SEC24B: variants seen among roughly 807,000 people sequenced by gnomAD.
SEC24B encodes the protein SEC24 homolog B, COPII component.
SEC24B carries 45 observed loss-of-function variants against 142.8 expected under a neutral mutation model. The observed-to-expected ratio is 0.32, with a 90% confidence interval of 0.25 to 0.40. SEC24B has a LOEUF of 0.40. SEC24B is among the 10% of genes least tolerant of loss of function. SEC24B has a pLI of 1.00. For missense variants in SEC24B, 1,409 were observed against 1,526.8 expected, an observed-to-expected ratio of 0.92 and a Z score of 1.29; for synonymous variants, 574 against 568.2, an observed-to-expected ratio of 1.01 and a Z score of -0.15.
chr4:109,466,193 T>C (rs190668063), intron 2 of SEC24B, among the ~76,000 whole-genome samples: 3 of 152,334 alleles, frequency 2.0e-5, no homozygotes, highest in African/African-American at 2.4e-5. Context: ...CTGACACATA[T>C]CACTGTTTTT....
chr4:109,511,825 T>G (rs1292990963), intron 8 of SEC24B, 132 bp from the exon 9 acceptor site: 1 of 849,940 alleles, frequency 1.2e-6, no homozygotes, highest in African/African-American at 1.7e-5. Context: ...CTGGATTTTA[T>G]TAATATGCTT....
intron 14 of SEC24B, 95 bp from the exon 15 acceptor site, chr4:109,524,723 G>C: frequency 8.9e-7 from 1 of 1,119,400 alleles, no homozygotes; most frequent in Non-Finnish European, 1.3e-6. Flanking sequence ...TCTTAGTTTG[G>C]TAGGGAGGCA....
chr4:109,496,970 G>GA (rs1254496174), intron 6 of SEC24B, among the ~76,000 whole-genome samples: 1 of 151,746 alleles, frequency 6.6e-6, no homozygotes, highest in Non-Finnish European at 1.5e-5. Context: ...TGAGCAAGGA[G>GA]AAAAAAAAAT....
chr4:109,506,570 CA>C, intron 7 of SEC24B, 58 bp downstream of exon 7: 1 of 1,150,142 alleles, frequency 8.7e-7, no homozygotes, highest in Non-Finnish European at 1.2e-6. Context: ...GTATGACTTT[CA>C]AAAATAGTAA....
chr4:109,509,960 A>AT, intron 7 of SEC24B, 49 bp from the exon 8 acceptor site: 1 of 1,179,578 alleles, frequency 8.5e-7, no homozygotes, highest in Non-Finnish European at 1.2e-6. Context: ...ACTTCAGTGT[A>AT]TTTTTCTCTG....
At chr4:109,514,865 C>T (rs1248952492) in intron 10 of SEC24B, among the ~76,000 whole-genome samples, 1 of 152,162 alleles carries the variant, frequency 6.6e-6, no homozygotes, top group Non-Finnish European at 1.5e-5. Context: ...TCTTTTGTGT[C>T]TAATTTGGCA....
chr4:109,539,365 C>T (rs1287484194), intron 23 of SEC24B, among the ~76,000 whole-genome samples, 196 bp from the exon 24 acceptor site: 2 of 151,938 alleles, frequency 1.3e-5, no homozygotes, highest in Non-Finnish European at 2.9e-5. Flanking sequence ...ACCTTAGCCT[C>T]TTAAAGTGCT....
intron 9 of SEC24B, 116 bp downstream of exon 9, chr4:109,512,199 T>C: frequency 1.1e-6 from 1 of 940,648 alleles, no homozygotes; most frequent in Non-Finnish European, 1.6e-6. Context: ...TCATGCCATT[T>C]TTAGTAGAGG....
chr4:109,540,204 A>T lies in SEC24B; in HGVS notation c.*529A>T, dbSNP rs1045783155. ...TTTCAGTACATGAACTATAGAAAAAAATCTATATATAATGTACATAAATGT... is the reference window on the plus strand; with the variant it reads ...TTTCAGTACATGAACTATAGAAAAATATCTATATATAATGTACATAAATGT... On this transcript the variant is annotated 3_prime_UTR_variant, in exon 24 of 24. Transcript: ENST00000265175. 6.5e-6 allele frequency: 1 copy of T among 152,788 alleles called. No homozygotes were observed. The highest frequency in any genetic ancestry group is 2.4e-5 in the African/African-American group (1 of 41,470). 9.5% of individuals were successfully genotyped at this position (152,788 alleles called of 1,614,324 possible).
rs72178897 is a variant in SEC24B, at chr4:109,517,947, GTTTATTTA to G, written c.2126+1335_2126+1342del. 5.7e-3 allele frequency among the ~76,000 whole-genome samples: 765 copies of G among 133,702 alleles called. 2 individuals are homozygous for G. Among genetic ancestry groups the G allele is most frequent in the Non-Finnish European group, 7.7e-3 (477 of 61,908 alleles). The allele number at this position is 133,702 out of a possible 152,430, so 87.7% of individuals were successfully genotyped here. A position where few individuals can be genotyped will look rare whatever the true frequency, so the allele number is the denominator to read the frequency against. On this transcript the variant is annotated intron_variant, in intron 11 of 23. Coordinates refer to ENST00000265175, the MANE Select transcript of SEC24B (RefSeq NM_006323.5). ...AACTGAGCATTTTGTTTGTTTGTTT[GTTTATTTA>G]TTTATTTATTTATTTATTTATTTAT...
At chr4:109,514,341 C>G (rs1037547531) in intron 10 of SEC24B, among the ~76,000 whole-genome samples, 4 of 152,118 alleles carry the variant, frequency 2.6e-5, no homozygotes, top group African/African-American at 4.8e-5. Context: ...ACTTCAAAAA[C>G]GAATTACTGG....
intron 19 of SEC24B, 57 bp from the exon 20 acceptor site, chr4:109,531,328 A>G: frequency 7.0e-7 from 1 of 1,434,988 alleles, no homozygotes; most frequent in Non-Finnish European, 9.6e-7. Context: ...TATTTGTTTT[A>G]ATATTTGTCC....
Position 109,540,380 on chromosome 4 carries a change from CTCTT to C in SEC24B, c.*707_*710del, listed in dbSNP as rs1726052872. 6.6e-6 allele frequency: 1 copy of C among 152,550 alleles called. No individual in the cohort carries two copies. The highest frequency in any genetic ancestry group is 1.5e-5 in the Non-Finnish European group (1 of 68,036). 9.4% of individuals were successfully genotyped at this position (152,550 alleles called of 1,614,324 possible). A position where few individuals can be genotyped will look rare whatever the true frequency, so the allele number is the denominator to read the frequency against. ...ATTGAGTCCACAAAGGAACACAAAACTCTTTGTAATTCTGTTAAATCTTTTATGT... is the reference window on the plus strand; with the variant it reads ...ATTGAGTCCACAAAGGAACACAAAACTGTAATTCTGTTAAATCTTTTATGT... On this transcript the variant is annotated 3_prime_UTR_variant, in exon 24 of 24. Transcript: ENST00000265175.
intron 21 of SEC24B, among the ~76,000 whole-genome samples, 187 bp downstream of exon 21, chr4:109,532,930 T>C (rs942457019): frequency 6.6e-6 from 1 of 152,250 alleles, no homozygotes; most frequent in African/African-American, 2.4e-5. Flanking sequence ...TCATTTTATA[T>C]TGATGTTATT....
chr4:109,489,710 TG>T (rs1414598149), intron 4 of SEC24B, among the ~76,000 whole-genome samples: 3 of 149,512 alleles, frequency 2.0e-5, no homozygotes, highest in Non-Finnish European at 3.0e-5. Flanking sequence ...TGGTCTTTTT[TG>T]TTTGATTTAT....
chr4:109,493,674 G>C (rs1179446042), intron 5 of SEC24B, among the ~76,000 whole-genome samples: 1 of 151,302 alleles, frequency 6.6e-6, no homozygotes, highest in Non-Finnish European at 1.5e-5. Flanking sequence ...TGTGGCCCAG[G>C]CTGGAGTGCA....
At chr4:109,482,794 G>A (rs889720710) in intron 4 of SEC24B, among the ~76,000 whole-genome samples, 1 of 149,720 alleles carries the variant, frequency 6.7e-6, no homozygotes, top group East Asian at 2.0e-4. Flanking sequence ...ACCCTGCACA[G>A]TTAATGTTTG....
At chr4:109,441,122 G>A (rs377238416) in intron 1 of SEC24B, among the ~76,000 whole-genome samples, 3 of 152,320 alleles carry the variant, frequency 2.0e-5, no homozygotes, top group African/African-American at 7.2e-5. Flanking sequence ...ATGAAGTAGC[G>A]AGAGGGAGTG....
intron 7 of SEC24B, among the ~76,000 whole-genome samples, chr4:109,507,607 G>A (rs905202697): frequency 1.3e-5 from 2 of 151,596 alleles, no homozygotes; most frequent in African/African-American, 4.8e-5. Context: ...AGGAGAATTA[G>A]TGTTCTTTAG....
Sources: gnomAD v4.1 joint callset for allele counts (sites outside exome capture counted in the v4.1 genomes callset) on GRCh38, gnomAD v4.1.1 for gene constraint, MANE v1.5 for transcripts, NCBI Gene and HGNC (gene_info 2026-07-23, HGNC 2026-07-21) for gene names.